Variants in FRMD6 observed in about 807,000 individuals in gnomAD.
The protein encoded by FRMD6 is FERM domain containing 6.
FRMD6 carries 37 observed loss-of-function variants against 73.2 expected under a neutral mutation model. That is an observed-to-expected ratio of 0.51 (90% CI 0.39 to 0.66). FRMD6 has a LOEUF of 0.66. Ranked by LOEUF, FRMD6 falls within the 30% of genes least tolerant of loss-of-function variation. The pLI is 0.00. For missense variants in FRMD6, 714 were observed against 780.5 expected, an observed-to-expected ratio of 0.91 and a Z score of 1.02; for synonymous variants, 273 against 282.2, an observed-to-expected ratio of 0.97 and a Z score of 0.33.
intron 1 of FRMD6, among the ~76,000 whole-genome samples, chr14:51,520,941 T>A: frequency 6.6e-6 from 1 of 151,852 alleles, no homozygotes; most frequent in African/African-American, 2.4e-5. Context: ...ATAAAATGAG[T>A]GAACTATTCA....
chr14:51,597,753 A>G (rs1594579314), intron 2 of FRMD6, among the ~76,000 whole-genome samples: 2 of 152,216 alleles, frequency 1.3e-5, no homozygotes, highest in Non-Finnish European at 2.9e-5. Context: ...TTATTAAAGA[A>G]GGGGGTAAAG....
chr14:51,499,756 T>C (rs1434341760), intron 1 of FRMD6, among the ~76,000 whole-genome samples: 1 of 152,236 alleles, frequency 6.6e-6, no homozygotes, highest in Non-Finnish European at 1.5e-5. Context: ...TATTCGGTCC[T>C]TGGGTGATCT....
chr14:51,408,613 C>A, the FRMD6 span, among the ~76,000 whole-genome samples: 8 of 152,130 alleles, frequency 5.3e-5, no homozygotes, highest in South Asian at 1.5e-3. Flanking sequence ...TATTACAATC[C>A]CTTTATAGCC....
At chr14:51,540,209 A>G (rs1258841424) in intron 1 of FRMD6, among the ~76,000 whole-genome samples, 1 of 152,122 alleles carries the variant, frequency 6.6e-6, no homozygotes, top group Non-Finnish European at 1.5e-5. Flanking sequence ...AAAAAAATGG[A>G]GCCAAGATAT....
rs56097163 is a variant in FRMD6 at position 51,685,464 on chromosome 14, G to A, written c.-146-4227G>A. 6.7e-3 allele frequency among the ~76,000 whole-genome samples: 1,016 copies of A among 152,212 alleles called. 10 individuals carry two copies. The highest frequency in any genetic ancestry group is 0.023 in the African/African-American group (966 of 41,528). ...AGAGCAGGGTATTTTTGTTAGTGCTGTTAGTGTACTCAGCACATACAGCAA... is the reference window on the plus strand; with the variant it reads ...AGAGCAGGGTATTTTTGTTAGTGCTATTAGTGTACTCAGCACATACAGCAA... On this transcript the variant is annotated intron_variant, in intron 1 of 13. Coordinates refer to ENST00000344768, the MANE Select transcript of FRMD6 (RefSeq NM_001267046.2).
intron 12 of FRMD6, among the ~76,000 whole-genome samples, chr14:51,725,027 C>T (rs1897871131): frequency 6.6e-6 from 1 of 152,160 alleles, no homozygotes; most frequent in South Asian, 2.1e-4. Context: ...TGAATTTTCA[C>T]TGTGGCCTCC....
Position 51,609,967 on chromosome 14 carries a change from G to C in FRMD6, c.-147+39557G>C, listed in dbSNP as rs188143327. 9.9e-5 allele frequency among the ~76,000 whole-genome samples: 15 copies of C among 152,256 alleles called. No homozygotes were observed. In the East Asian group the frequency reaches 1.4e-3, roughly 14 times the overall value. On this transcript the variant is annotated intron_variant, in intron 2 of 14. Coordinates refer to the FRMD6 transcript ENST00000356218. ...GAAACCTCTGAAAGTTTTTAAGCAGGAATATCATGTTCAGATAGAGGATTG... is the reference window on the plus strand; with the variant it reads ...GAAACCTCTGAAAGTTTTTAAGCAGCAATATCATGTTCAGATAGAGGATTG...
intron 2 of FRMD6, among the ~76,000 whole-genome samples, chr14:51,619,107 TCATGA>T (rs1890823223): frequency 6.6e-6 from 1 of 151,996 alleles, no homozygotes; most frequent in African/African-American, 2.4e-5. Flanking sequence ...CAGAAGTGTT[TCATGA>T]CATAAGTTTT....
intron 2 of FRMD6, among the ~76,000 whole-genome samples, chr14:51,693,540 A>C (rs917206511): frequency 2.6e-5 from 4 of 152,184 alleles, no homozygotes; most frequent in African/African-American, 9.7e-5. Flanking sequence ...TCATTTGTGA[A>C]GTAGGGATAA....
At chr14:51,656,705 C>A (rs1326829746) in intron 1 of FRMD6, among the ~76,000 whole-genome samples, 3 of 152,108 alleles carry the variant, frequency 2.0e-5, no homozygotes, top group African/African-American at 7.3e-5. Context: ...AGCCACCGCG[C>A]CCGGCTAGCA....
chr14:51,627,056 T>A (rs1177670501), intron 2 of FRMD6, among the ~76,000 whole-genome samples: 2 of 152,330 alleles, frequency 1.3e-5, no homozygotes, highest in South Asian at 4.1e-4. Flanking sequence ...ATTTAGTCGA[T>A]TCACACAATT....
chr14:51,689,418 G>A (rs1895391679), intron 1 of FRMD6, among the ~76,000 whole-genome samples: 1 of 152,212 alleles, frequency 6.6e-6, no homozygotes. Context: ...CTCTGTTTCT[G>A]TGAGGCCTGT....
intron 1 of FRMD6, among the ~76,000 whole-genome samples, chr14:51,569,507 C>CTTTT (rs34661155): frequency 3.2e-3 from 393 of 122,712 alleles, no homozygotes; most frequent in Middle Eastern, 4.1e-3. Flanking sequence ...TTCTTTCTTT[C>CTTTT]TTTTTTTTTT....
chr14:51,460,666 G>T, the FRMD6 span, among the ~76,000 whole-genome samples: 1 of 152,268 alleles, frequency 6.6e-6, no homozygotes, highest in Admixed American at 6.5e-5. Flanking sequence ...GAAACATCAG[G>T]TTGATTTCAA....
chr14:51,569,507 CTTT>C (rs34661155), intron 1 of FRMD6, among the ~76,000 whole-genome samples: 2,508 of 122,778 alleles, frequency 0.02, 40 homozygotes, highest in African/African-American at 0.067. Flanking sequence ...TTCTTTCTTT[CTTT>C]TTTTTTTTTT....
At chr14:51,482,230 T>G in the FRMD6 span, among the ~76,000 whole-genome samples, 1 of 152,234 alleles carries the variant, frequency 6.6e-6, no homozygotes, top group Non-Finnish European at 1.5e-5. Context: ...CTACAGCTAT[T>G]TGCTGACCAT....
intron 1 of FRMD6, among the ~76,000 whole-genome samples, chr14:51,519,766 G>C (rs1254920459): frequency 2.0e-5 from 3 of 152,166 alleles, no homozygotes; most frequent in African/African-American, 7.2e-5. Context: ...AGATAAGAAA[G>C]GAATGAGGCA....
intron 1 of FRMD6, among the ~76,000 whole-genome samples, chr14:51,674,104 G>T (rs1453278077): frequency 6.6e-6 from 1 of 152,114 alleles, no homozygotes; most frequent in African/African-American, 2.4e-5. Flanking sequence ...TCAGGATTTT[G>T]TCTCCTGGTT....
the FRMD6 span, among the ~76,000 whole-genome samples, chr14:51,480,646 C>T: frequency 1.3e-5 from 2 of 152,082 alleles, no homozygotes; most frequent in South Asian, 2.1e-4. Context: ...GTCCTATCTA[C>T]GTTCATATCC....
Sources: allele counts gnomAD v4.1 joint callset (sites outside exome capture counted in the v4.1 genomes callset), GRCh38; gene constraint gnomAD v4.1.1; transcripts MANE v1.5; gene names NCBI Gene and HGNC (gene_info 2026-07-23, HGNC 2026-07-21).